Variants in RNFT2 observed in about 807,000 individuals in gnomAD.
RNFT2 encodes ring finger protein, transmembrane 2, also known as E3 ubiquitin-protein ligase RNFT2.
Under a neutral mutation model 53.0 loss-of-function variants are expected in RNFT2, and 36 were observed. The ratio of observed to expected loss-of-function variants is 0.68; its 90% CI spans 0.52 to 0.90. The LOEUF is 0.90. Ranked by LOEUF, RNFT2 falls within the 40% of genes least tolerant of loss-of-function variation. RNFT2 has a pLI of 0.00. For missense variants in RNFT2, 514 were observed against 585.6 expected (o/e 0.88, Z 1.26); for synonymous variants, 260 against 253.2 (o/e 1.03, Z -0.26).
At chr12:116,748,245 C>CA (rs1872005874) in intron 3 of RNFT2, among the ~76,000 whole-genome samples, 1 of 151,980 alleles carries the variant, frequency 6.6e-6, no homozygotes. Context: ...AGATGGTACC[C>CA]AAAACTTGAT....
At chr12:116,846,901 A>ATTTT (rs34273674) in intron 10 of RNFT2, among the ~76,000 whole-genome samples, 3 of 112,374 alleles carry the variant, frequency 2.7e-5, no homozygotes, top group African/African-American at 1.0e-4. Context: ...CATGCCCAGG[A>ATTTT]TTTTTTTTTT....
intron 10 of RNFT2, among the ~76,000 whole-genome samples, chr12:116,837,354 G>A (rs984563888): frequency 6.6e-6 from 1 of 152,062 alleles, no homozygotes; most frequent in Non-Finnish European, 1.5e-5. Flanking sequence ...AGTGATAAGT[G>A]CCGTGTAAGA....
intron 7 of RNFT2, among the ~76,000 whole-genome samples, chr12:116,817,572 G>A (rs1437789267): frequency 2.0e-5 from 3 of 152,142 alleles, no homozygotes; most frequent in Non-Finnish European, 2.9e-5. Flanking sequence ...TCTCCTCTCA[G>A]CTACCAACAG....
At chr12:116,808,962 C>G (rs1159976874) in intron 7 of RNFT2, among the ~76,000 whole-genome samples, 1 of 152,196 alleles carries the variant, frequency 6.6e-6, no homozygotes, top group Admixed American at 6.5e-5. Context: ...CTGGCTCCGC[C>G]CCAGCTGCCA....
chr12:116,783,146 C>T (rs887360084), intron 7 of RNFT2, among the ~76,000 whole-genome samples: 1 of 152,212 alleles, frequency 6.6e-6, no homozygotes, highest in Non-Finnish European at 1.5e-5. Context: ...CTCTTATACC[C>T]ATTTTACAGA....
intron 7 of RNFT2, among the ~76,000 whole-genome samples, chr12:116,796,527 G>T: frequency 6.6e-6 from 1 of 152,144 alleles, no homozygotes; most frequent in East Asian, 1.9e-4. Context: ...GCACAGGGAC[G>T]GGGAGGGAAG....
At chr12:116,800,812 T>TCAAAATAAAA (rs142455219) in intron 7 of RNFT2, among the ~76,000 whole-genome samples, 43 of 114,860 alleles carry the variant, frequency 3.7e-4, no homozygotes, top group African/African-American at 1.4e-3. Flanking sequence ...AGACTCCATC[T>TCAAAATAAAA]TAAAATAAAA....
At chr12:116,740,966 A>G (rs1201811329) in intron 2 of RNFT2, 70 bp from the exon 3 acceptor site, 4 of 1,395,036 alleles carry the variant, frequency 2.9e-6, no homozygotes, top group Non-Finnish European at 4.0e-6. Flanking sequence ...GCAGTTTACA[A>G]TTACCTTGGC....
intron 7 of RNFT2, among the ~76,000 whole-genome samples, chr12:116,794,260 G>A (rs1307163877): frequency 1.3e-5 from 2 of 151,630 alleles, no homozygotes; most frequent in East Asian, 3.9e-4. Flanking sequence ...ATGAGATCCT[G>A]TCTCAAAAAA....
chr12:116,802,151 G>A (rs920821301), intron 7 of RNFT2, among the ~76,000 whole-genome samples: 11 of 152,080 alleles, frequency 7.2e-5, no homozygotes, highest in Non-Finnish European at 1.3e-4. Context: ...GGTGTTCTAT[G>A]GTTAAATAAC....
At chr12:116,745,047 T>C (rs1460884245) in intron 3 of RNFT2, among the ~76,000 whole-genome samples, 1 of 152,032 alleles carries the variant, frequency 6.6e-6, no homozygotes, top group Non-Finnish European at 1.5e-5. Context: ...TCATTATTAA[T>C]ATTATCATTA....
rs1199580140 is a variant in RNFT2, at chr12:116,853,105, G to C, written c.*3657G>C. On this transcript the variant is annotated 3_prime_UTR_variant, in exon 11 of 11. Transcript: ENST00000257575. ...TTCTCGGTGGGGGGATTTAACTTCT[G>C]TCCTAGGGAAAACAGTGTCTGATGA... 2.4e-6 allele frequency: 1 copy of C among 421,406 alleles called. No homozygotes were observed. Among genetic ancestry groups the C allele is most frequent in the East Asian group, 3.4e-5 (1 of 29,136 alleles). 26.1% of individuals were successfully genotyped at this position (421,406 alleles called of 1,614,324 possible).
chr12:116,748,682 T>C (rs1451638282), intron 3 of RNFT2: 3 of 452,198 alleles, frequency 6.6e-6, no homozygotes, highest in African/African-American at 6.0e-5. Flanking sequence ...GGCTGGCCCC[T>C]CTGGGGAACT....
At chr12:116,829,653 G>A (rs766315739) in intron 7 of RNFT2, among the ~76,000 whole-genome samples, 3 of 152,146 alleles carry the variant, frequency 2.0e-5, no homozygotes, top group Non-Finnish European at 4.4e-5. Context: ...CCACGCATAC[G>A]ATGTAATCTT....
chr12:116,801,832 GTTTT>G (rs960493652), intron 7 of RNFT2, among the ~76,000 whole-genome samples: 113 of 141,920 alleles, frequency 8.0e-4, no homozygotes, highest in African/African-American at 3.0e-3. Flanking sequence ...TTGTTTGTTT[GTTTT>G]TTTGAGACAG....
intron 7 of RNFT2, among the ~76,000 whole-genome samples, chr12:116,826,269 C>T (rs1158175457): frequency 1.3e-5 from 2 of 151,974 alleles, no homozygotes; most frequent in East Asian, 1.9e-4. Flanking sequence ...GTGAGGAAGT[C>T]GGAATAGAAT....
At chr12:116,762,985 A>G (rs2137093106) in intron 5 of RNFT2, among the ~76,000 whole-genome samples, 1 of 152,170 alleles carries the variant, frequency 6.6e-6, no homozygotes, top group East Asian at 1.9e-4. Context: ...AGGAGGCTGA[A>G]GCAGGAGGAT....
At chr12:116,746,775 G>A (rs7296142) in intron 3 of RNFT2, among the ~76,000 whole-genome samples, 115,720 of 152,118 alleles carry the variant, frequency 0.76, 44,267 homozygotes, top group East Asian at 0.99. Context: ...ATTTGTACCT[G>A]TCTAGAGGGT....
intron 7 of RNFT2, among the ~76,000 whole-genome samples, chr12:116,832,142 A>ATATATATATATATAT (rs1170051785): frequency 1.6e-4 from 10 of 61,782 alleles, no homozygotes; most frequent in African/African-American, 4.5e-4. Context: ...AAAAAAAAAA[A>ATATATATATATATAT]AAAAAAATAT....
Sources: allele counts gnomAD v4.1 joint callset (sites outside exome capture counted in the v4.1 genomes callset), GRCh38; gene constraint gnomAD v4.1.1; transcripts MANE v1.5; gene names NCBI Gene and HGNC (gene_info 2026-07-23, HGNC 2026-07-21).